ANK3: variants seen among roughly 807,000 people sequenced by gnomAD.
ANK3 encodes ankyrin-3.
A neutral mutation model predicts 370.9 loss-of-function variants in ANK3; 57 were observed. That is an observed-to-expected ratio of 0.15 (90% CI 0.12 to 0.19). ANK3 has a LOEUF of 0.19. Among genes scored for constraint, ANK3 ranks in the 10% least tolerant of loss-of-function variants. The pLI is 1.00. For synonymous variants in ANK3, 1,929 were observed against 1,946.3 expected, an observed-to-expected ratio of 0.99 and a Z score of 0.23; for missense variants, 4,439 against 5,302.1, an observed-to-expected ratio of 0.84 and a Z score of 5.06.
chr10:60,198,339 C>T lies in ANK3; in HGVS notation c.1689+1G>A. 6.2e-7 allele frequency: 1 copy of T among 1,614,112 alleles called. No individual in the cohort carries two copies. Among genetic ancestry groups the T allele is most frequent in the Non-Finnish European group, 8.5e-7 (1 of 1,180,012 alleles). On this transcript the variant is annotated splice_donor_variant, in intron 14 of 43. Transcript: ENST00000280772. LOFTEE classifies it high-confidence loss of function. ...CAGGATTCTGAGATTTGCTTTCATACCTTTGTTGTTATAGATAAAGACGCT... is the reference window on the plus strand; with the variant it reads ...CAGGATTCTGAGATTTGCTTTCATATCTTTGTTGTTATAGATAAAGACGCT...
intron 2 of ANK3, among the ~76,000 whole-genome samples, chr10:60,581,217 C>T (rs2077746191): frequency 1.3e-5 from 2 of 152,106 alleles, no homozygotes; most frequent in South Asian, 4.1e-4. Context: ...AAAACTGAAG[C>T]CCCATTTTAC....
chr10:60,042,834 G>C (rs1386046745), intron 42 of ANK3, 75 bp from the exon 43 acceptor site: 1 of 1,592,676 alleles, frequency 6.3e-7, no homozygotes, highest in Non-Finnish European at 8.5e-7. Flanking sequence ...TCTGATCCTT[G>C]GAGGCTGGAT....
chr10:60,615,910 CT>C (rs2078261692), intron 1 of ANK3, among the ~76,000 whole-genome samples: 2 of 152,272 alleles, frequency 1.3e-5, no homozygotes, highest in Admixed American at 1.3e-4. Context: ...GAAGAAATAC[CT>C]TTAGCTCATT....
chr10:60,724,125 G>A (rs569132216), intron 1 of ANK3, among the ~76,000 whole-genome samples: 19 of 131,040 alleles, frequency 1.4e-4, no homozygotes, highest in African/African-American at 4.9e-4. Flanking sequence ...CAGGAAAATG[G>A]CGTGAACCCG....
At chr10:60,097,335 T>G (rs1489647180) in intron 28 of ANK3, among the ~76,000 whole-genome samples, 1 of 152,176 alleles carries the variant, frequency 6.6e-6, no homozygotes, top group Non-Finnish European at 1.5e-5. Context: ...GATAAACGGA[T>G]GAGTAATGAA....
rs186323642 is a variant in ANK3 at position 60,268,441 on chromosome 10, C to T, written c.513+1690G>A. 1.6e-4 allele frequency among the ~76,000 whole-genome samples: 24 copies of T among 152,170 alleles called. No individual in the cohort carries two copies. In the East Asian group the frequency reaches 3.1e-3, roughly 20 times the overall value. ...GCCTCGTTTTTAACAGTGCTAACAGCGTGTTATTGTATAAATATATGAACA... is the reference window on the plus strand; with the variant it reads ...GCCTCGTTTTTAACAGTGCTAACAGTGTGTTATTGTATAAATATATGAACA... On this transcript the variant is annotated intron_variant, in intron 5 of 43. Coordinates refer to ENST00000280772, the MANE Select transcript of ANK3 (RefSeq NM_020987.5).
At chr10:60,043,205 C>T in intron 42 of ANK3, 3 of 987,172 alleles carry the variant, frequency 3.0e-6, no homozygotes, top group Non-Finnish European at 3.6e-6. Flanking sequence ...CTTCCTCTTA[C>T]TGTCAGACCA....
chr10:60,329,885 A>G (rs1223011275), intron 1 of ANK3, among the ~76,000 whole-genome samples: 2 of 152,206 alleles, frequency 1.3e-5, no homozygotes, highest in African/African-American at 2.4e-5. Context: ...ACTTCAAACT[A>G]TACTACAAGG....
At chr10:60,347,321 GA>G (rs2055807678) in intron 1 of ANK3, among the ~76,000 whole-genome samples, 1 of 151,840 alleles carries the variant, frequency 6.6e-6, no homozygotes, top group Admixed American at 6.6e-5. Context: ...TTTGCATGCT[GA>G]AAAGGTTAAT....
At chr10:60,270,703 T>C (rs1406738614) in intron 4 of ANK3, among the ~76,000 whole-genome samples, 1 of 152,202 alleles carries the variant, frequency 6.6e-6, no homozygotes, top group Admixed American at 6.5e-5. Flanking sequence ...TAGTTTTGAC[T>C]AGTTCAGGGA....
At chr10:60,503,238 T>C (rs1290825506) in intron 2 of ANK3, among the ~76,000 whole-genome samples, 1 of 152,152 alleles carries the variant, frequency 6.6e-6, no homozygotes, top group Non-Finnish European at 1.5e-5. Flanking sequence ...AAATCTAAAC[T>C]CTGAGAAAAT....
At chr10:60,331,587 AC>A (rs1471039602) in intron 1 of ANK3, among the ~76,000 whole-genome samples, 31 of 147,956 alleles carry the variant, frequency 2.1e-4, no homozygotes, top group East Asian at 4.0e-4. Context: ...AAAAAAAAAA[AC>A]AAAAAGACTC....
intron 2 of ANK3, among the ~76,000 whole-genome samples, chr10:60,427,570 A>T (rs1156814971): frequency 6.6e-6 from 1 of 152,132 alleles, no homozygotes; most frequent in East Asian, 1.9e-4. Flanking sequence ...AAGTGAAAGA[A>T]GTGGCACATA....
intron 1 of ANK3, among the ~76,000 whole-genome samples, chr10:60,625,159 C>G (rs762567768): frequency 6.6e-6 from 1 of 152,080 alleles, no homozygotes; most frequent in Non-Finnish European, 1.5e-5. Context: ...GTCCAAGCTA[C>G]TCTGCCAAGA....
intron 1 of ANK3, among the ~76,000 whole-genome samples, chr10:60,669,029 C>T (rs573346303): frequency 9.1e-4 from 138 of 152,216 alleles, no homozygotes; most frequent in African/African-American, 1.4e-3. Flanking sequence ...AGAATTGACA[C>T]TGTGACAGCT....
intron 1 of ANK3, among the ~76,000 whole-genome samples, chr10:60,716,714 C>T (rs2079795639): frequency 6.6e-6 from 1 of 152,080 alleles, no homozygotes; most frequent in South Asian, 2.1e-4. Flanking sequence ...TAAGGTCTTG[C>T]CATGTTGCCC....
At chr10:60,223,968 G>A (rs1425428236) in intron 8 of ANK3, among the ~76,000 whole-genome samples, 2 of 151,616 alleles carry the variant, frequency 1.3e-5, no homozygotes, top group African/African-American at 4.9e-5. Context: ...GCGGAATAAG[G>A]ATTCTTACTT....
chr10:60,677,678 T>G (rs2079143185), intron 1 of ANK3, among the ~76,000 whole-genome samples: 1 of 151,726 alleles, frequency 6.6e-6, no homozygotes, highest in African/African-American at 2.4e-5. Flanking sequence ...CACTGGCTTT[T>G]TCATTGAAGC....
At chr10:60,415,118 C>T (rs2063635311) in intron 2 of ANK3, among the ~76,000 whole-genome samples, 1 of 152,128 alleles carries the variant, frequency 6.6e-6, no homozygotes, top group South Asian at 2.1e-4. Flanking sequence ...CAGCTGCCTA[C>T]AATTCCGTGC....
Sources: gnomAD v4.1 joint callset for allele counts (sites outside exome capture counted in the v4.1 genomes callset) on GRCh38, gnomAD v4.1.1 for gene constraint, MANE v1.5 for transcripts, NCBI Gene and HGNC (gene_info 2026-07-23, HGNC 2026-07-21) for gene names.